KIAA1328: variants seen among roughly 807,000 people sequenced by gnomAD.
The protein encoded by KIAA1328 is KIAA1328.
Under a neutral mutation model 68.1 loss-of-function variants are expected in KIAA1328, and 52 were observed. That is an observed-to-expected ratio of 0.76 (90% confidence interval 0.61 to 0.96). The LOEUF is 0.96. Ranked by LOEUF, KIAA1328 falls within the 40% of genes least tolerant of loss-of-function variation. KIAA1328 has a pLI of 0.00. For missense variants in KIAA1328, 641 were observed against 677.6 expected, an observed-to-expected ratio of 0.95 and a Z score of 0.60; for synonymous variants, 232 against 239.4, an observed-to-expected ratio of 0.97 and a Z score of 0.28.
Position 36,832,573 on chromosome 18 carries a change from C to T in KIAA1328, c.59-1747C>T, listed in dbSNP as rs576457561. The T allele has an allele frequency of 7.9e-5, 10 of 126,614 alleles. 1 individual carries two copies. The highest frequency in any genetic ancestry group is 1.2e-4 in the African/African-American group (4 of 33,400). The allele number at this position is 126,614 out of a possible 1,614,324, so 7.8% of individuals were successfully genotyped here. On this transcript the variant is annotated intron_variant, in intron 1 of 9. Transcript: ENST00000280020. ...CTGCACTCCAGCCTGGGTGGCAGAG[C>T]GAGACTCTGTCTCAAAAAAAAAAAA...
chr18:37,078,200 A>T (rs2056815959), intron 7 of KIAA1328, among the ~76,000 whole-genome samples: 2 of 152,216 alleles, frequency 1.3e-5, no homozygotes, highest in Non-Finnish European at 1.5e-5. Flanking sequence ...CTGATCTTTG[A>T]CAAATCTGAG....
chr18:37,189,924 A>G (rs1031608646), intron 9 of KIAA1328, among the ~76,000 whole-genome samples: 5 of 152,190 alleles, frequency 3.3e-5, no homozygotes, highest in Non-Finnish European at 5.9e-5. Flanking sequence ...CACTGTATAT[A>G]CCACTGTTAA....
intron 6 of KIAA1328, among the ~76,000 whole-genome samples, chr18:37,048,120 C>T (rs757447356): frequency 1.9e-4 from 29 of 152,112 alleles, no homozygotes; most frequent in Non-Finnish European, 3.8e-4. Flanking sequence ...TTTCTTTTCC[C>T]ATTTGGTACT....
intron 6 of KIAA1328, among the ~76,000 whole-genome samples, chr18:37,057,576 C>T (rs1421260894): frequency 2.0e-5 from 3 of 151,706 alleles, no homozygotes; most frequent in Admixed American, 2.0e-4. Flanking sequence ...TACAGGTGCA[C>T]ACCACCACAT....
chr18:36,985,345 G>A (rs1047390061), intron 6 of KIAA1328, among the ~76,000 whole-genome samples: 2 of 152,070 alleles, frequency 1.3e-5, no homozygotes, highest in Non-Finnish European at 1.5e-5. Context: ...CTCAGCCAGC[G>A]TTTTTTGTAG....
At chr18:36,971,835 A>G (rs2052228529) in intron 6 of KIAA1328, among the ~76,000 whole-genome samples, 1 of 152,130 alleles carries the variant, frequency 6.6e-6, no homozygotes, top group Non-Finnish European at 1.5e-5. Flanking sequence ...GAGAGGAACA[A>G]CAGACACTGA....
At chr18:36,968,536 A>G (rs1192175302) in intron 6 of KIAA1328, among the ~76,000 whole-genome samples, 1 of 152,228 alleles carries the variant, frequency 6.6e-6, no homozygotes, top group African/African-American at 2.4e-5. Context: ...AAAAAAGACA[A>G]AGAAGGCCAT....
chr18:37,216,840 T>C (rs2060445132), intron 9 of KIAA1328, among the ~76,000 whole-genome samples: 1 of 151,954 alleles, frequency 6.6e-6, no homozygotes, highest in Non-Finnish European at 1.5e-5. Context: ...ATATTTAGGA[T>C]AGTTAGCTCT....
chr18:37,098,384 T>C (rs1377192538), intron 7 of KIAA1328, among the ~76,000 whole-genome samples: 1 of 152,228 alleles, frequency 6.6e-6, no homozygotes, highest in African/African-American at 2.4e-5. Flanking sequence ...ATTTATTGAT[T>C]TGTGTATGTT....
chr18:36,909,726 G>A (rs1469592260), intron 5 of KIAA1328, among the ~76,000 whole-genome samples: 2 of 152,168 alleles, frequency 1.3e-5, no homozygotes, highest in African/African-American at 2.4e-5. Context: ...TTCCACAATG[G>A]TTGAACCAGT....
At chr18:36,951,264 C>A (rs2051150194) in intron 5 of KIAA1328, among the ~76,000 whole-genome samples, 1 of 152,110 alleles carries the variant, frequency 6.6e-6, no homozygotes, top group African/African-American at 2.4e-5. Context: ...TGATTACCTG[C>A]CATTCTTTCT....
At chr18:37,016,188 T>C (rs1259852619) in intron 6 of KIAA1328, among the ~76,000 whole-genome samples, 1 of 152,204 alleles carries the variant, frequency 6.6e-6, no homozygotes, top group South Asian at 2.1e-4. Flanking sequence ...GCCTAGTTAC[T>C]TTAGGGTTTT....
chr18:36,900,916 C>A (rs1364111158), intron 5 of KIAA1328, among the ~76,000 whole-genome samples: 1 of 151,928 alleles, frequency 6.6e-6, no homozygotes, highest in Non-Finnish European at 1.5e-5. Context: ...GATACAGAGC[C>A]TGTCTCTATA....
At chr18:37,202,989 C>T (rs2060142289) in intron 9 of KIAA1328, among the ~76,000 whole-genome samples, 1 of 151,510 alleles carries the variant, frequency 6.6e-6, no homozygotes, top group South Asian at 2.1e-4. Context: ...ACTCAGTTTT[C>T]CCAACAATCA....
chr18:37,215,663 A>C (rs2060415574), intron 9 of KIAA1328, among the ~76,000 whole-genome samples: 1 of 152,230 alleles, frequency 6.6e-6, no homozygotes, highest in Non-Finnish European at 1.5e-5. Flanking sequence ...CTGGCATCAT[A>C]AAATGAGTTA....
At chr18:36,911,835 A>G (rs2049464090) in intron 5 of KIAA1328, among the ~76,000 whole-genome samples, 2 of 152,196 alleles carry the variant, frequency 1.3e-5, no homozygotes, top group African/African-American at 2.4e-5. Flanking sequence ...AAATGCATGT[A>G]AAGGCTTAGC....
intron 9 of KIAA1328, among the ~76,000 whole-genome samples, chr18:37,181,411 A>G (rs1166914036): frequency 2.0e-5 from 3 of 152,086 alleles, no homozygotes; most frequent in Non-Finnish European, 4.4e-5. Context: ...CAGTACCACC[A>G]AGAACAATAG....
chr18:36,916,306 A>G (rs762993629), intron 5 of KIAA1328, among the ~76,000 whole-genome samples: 2 of 151,878 alleles, frequency 1.3e-5, no homozygotes, highest in Non-Finnish European at 2.9e-5. Flanking sequence ...GATGATGCAT[A>G]TTGATCTGTC....
chr18:36,844,885 A>G (rs1054969018), intron 4 of KIAA1328, among the ~76,000 whole-genome samples: 14 of 151,882 alleles, frequency 9.2e-5, no homozygotes, highest in Admixed American at 1.3e-4. Flanking sequence ...GAAAGTATCT[A>G]TAGAGAAATA....
Sources: allele counts gnomAD v4.1 joint callset (sites outside exome capture counted in the v4.1 genomes callset), GRCh38; gene constraint gnomAD v4.1.1; transcripts MANE v1.5; gene names NCBI Gene and HGNC (gene_info 2026-07-23, HGNC 2026-07-21).